The following CFAP20DC variants were observed in gnomAD, a reference collection of about 807,000 sequenced individuals.
CFAP20DC encodes protein CFAP20DC.
A neutral mutation model predicts 101.7 loss-of-function variants in CFAP20DC; 84 were observed. That is an observed-to-expected ratio of 0.83 (90% CI 0.69 to 0.99). The LOEUF is 0.99. CFAP20DC is among the 50% of genes least tolerant of loss of function. The pLI, the probability that CFAP20DC is intolerant of heterozygous loss-of-function variation, is 0.00. For missense variants in CFAP20DC, 1,007 were observed against 970.3 expected (o/e 1.04, Z -0.50); for synonymous variants, 359 against 351.2 (o/e 1.02, Z -0.25).
chr3:58,758,977 G>GAATAGTGCTGC (rs946071824), intron 15 of CFAP20DC, among the ~76,000 whole-genome samples: 3 of 152,152 alleles, frequency 2.0e-5, no homozygotes, highest in African/African-American at 7.2e-5. Flanking sequence ...TTGCTATTGT[G>GAATAGTGCTGC]AATAGTGCTG....
chr3:58,870,305 C>G lies in CFAP20DC; in HGVS notation c.720G>C (p.Gln240His). The G allele has an allele frequency of 6.2e-7, 1 of 1,613,566 alleles. No individual in the cohort carries two copies. The highest frequency in any genetic ancestry group is 1.1e-5 in the South Asian group (1 of 91,040). The change falls in exon 8 of 17, where the codon CAG becomes CAC. Residue 240 changes from glutamine to histidine, a missense_variant. Coordinates refer to ENST00000482387, the MANE Select transcript of CFAP20DC (RefSeq NM_001394063.1). ...TAATACTTGTTCCTCTGTTAATGAA[C>G]TGATCTGTTTTGTTAAAGGAAGGTA... ...GHPLRSAESDQFINRGTSITR... is the reference protein window; with the variant it reads ...GHPLRSAESDHFINRGTSITR...
At chr3:58,873,642 GGCA>G (rs2080469591) in intron 7 of CFAP20DC, among the ~76,000 whole-genome samples, 1 of 151,862 alleles carries the variant, frequency 6.6e-6, no homozygotes, top group Non-Finnish European at 1.5e-5. Flanking sequence ...GATGTTGTCA[GGCA>G]GGTGTTCAAG....
rs373217565 is a variant in CFAP20DC at position 58,910,104 on chromosome 3, T to G, written c.550+3604A>C. ...CTGCATAGTATTATTCCCTGGTGTA[T>G]CTGTACCACATTTTCTTTATTCAGT... On this transcript the variant is annotated intron_variant, in intron 6 of 16. Coordinates refer to ENST00000482387, the MANE Select transcript of CFAP20DC (RefSeq NM_001394063.1). Among the ~76,000 whole-genome samples the G allele has an allele frequency of 5.9e-5, 9 of 152,344 alleles. No homozygotes were observed. In the East Asian group the frequency reaches 1.3e-3, roughly 23 times the overall value.
chr3:58,892,775 C>T lies in CFAP20DC; in HGVS notation c.551-8066G>A, dbSNP rs1486519839. 6.6e-6 allele frequency among the ~76,000 whole-genome samples: 1 copy of T among 152,112 alleles called. No individual in the cohort carries two copies. The highest frequency in any genetic ancestry group is 2.4e-5 in the African/African-American group (1 of 41,426). On this transcript the variant is annotated intron_variant, in intron 6 of 16. Coordinates refer to ENST00000482387, the MANE Select transcript of CFAP20DC (RefSeq NM_001394063.1). This position sits in a 1 kb window ranked among gnomAD's most constrained non-coding sequence, Gnocchi z 4.0. Reference sequence around the variant, plus strand: ...TCTAGATATAGGATCATGTCATCTGCAAAAAGGTAATTTGACTTCCTCTCT... The same window carrying T: ...TCTAGATATAGGATCATGTCATCTGTAAAAAGGTAATTTGACTTCCTCTCT...
At chr3:58,970,885 A>G (rs556474303) in intron 4 of CFAP20DC, among the ~76,000 whole-genome samples, 1 of 152,168 alleles carries the variant, frequency 6.6e-6, no homozygotes, top group South Asian at 2.1e-4. Context: ...TTTCTTTAAG[A>G]TCATCTATTT....
chr3:58,927,993 C>T (rs1191478621), intron 5 of CFAP20DC, among the ~76,000 whole-genome samples: 5 of 152,174 alleles, frequency 3.3e-5, no homozygotes, highest in Non-Finnish European at 7.3e-5. Context: ...GAATACTCCT[C>T]GGCATTTGTG....
Position 59,030,809 on chromosome 3 carries a change from T to TTTTTTG in CFAP20DC, c.278+8742_278+8747dup, listed in dbSNP as rs531223275. On this transcript the variant is annotated intron_variant, in intron 4 of 16. Coordinates refer to ENST00000482387, the MANE Select transcript of CFAP20DC (RefSeq NM_001394063.1). ...TCTCAATAATTAAAGCTTTAAGTTT[T>TTTTTTG]TTTTTGTTTTTGTTTTTGTTTTTGT... 2.0e-4 allele frequency among the ~76,000 whole-genome samples: 30 copies of TTTTTTG among 152,250 alleles called. 1 individual carries two copies. In the South Asian group the frequency reaches 4.2e-3, roughly 21 times the overall value.
chr3:58,733,855 AT>A (rs1433930639), intron 3 of CFAP20DC, among the ~76,000 whole-genome samples: 1 of 152,162 alleles, frequency 6.6e-6, no homozygotes, highest in Non-Finnish European at 1.5e-5. Context: ...TAATGGTCCC[AT>A]TTTTTTCAGA....
intron 15 of CFAP20DC, among the ~76,000 whole-genome samples, chr3:58,803,463 G>T (rs756138087): frequency 6.6e-6 from 1 of 152,002 alleles, no homozygotes; most frequent in Non-Finnish European, 1.5e-5. Flanking sequence ...ATATTTTAGG[G>T]TCTAAAGCAT....
chr3:58,937,006 A>G (rs987371442), intron 5 of CFAP20DC, among the ~76,000 whole-genome samples: 3 of 152,122 alleles, frequency 2.0e-5, no homozygotes, highest in Non-Finnish European at 4.4e-5. Context: ...TATCAAGTGC[A>G]TACCAGAATG....
chr3:58,956,969 A>G (rs567452025), intron 4 of CFAP20DC, among the ~76,000 whole-genome samples: 1 of 152,158 alleles, frequency 6.6e-6, no homozygotes, highest in Non-Finnish European at 1.5e-5. Context: ...GGTCCCTCCC[A>G]CAACACAAGG....
intron 4 of CFAP20DC, among the ~76,000 whole-genome samples, chr3:58,957,636 T>C (rs149559303): frequency 2.4e-4 from 36 of 152,180 alleles, no homozygotes; most frequent in African/African-American, 8.2e-4. Flanking sequence ...ATAAAGACAA[T>C]GTGGTACTTA....
chr3:58,927,752 A>G (rs993498318), intron 5 of CFAP20DC, among the ~76,000 whole-genome samples: 54 of 152,192 alleles, frequency 3.5e-4, no homozygotes, highest in Non-Finnish European at 1.2e-4. Flanking sequence ...CCAATACCAC[A>G]TCAACAACAG....
chr3:58,761,142 T>C (rs1379638493), intron 15 of CFAP20DC, among the ~76,000 whole-genome samples: 1 of 152,258 alleles, frequency 6.6e-6, no homozygotes, highest in East Asian at 1.9e-4. Context: ...CTGGTACAAT[T>C]CAGCTGTGAA....
rs1056909753 is a variant in CFAP20DC at position 58,795,745 on chromosome 3, G to A, written c.2237+10650C>T. Among the ~76,000 whole-genome samples the A allele has an allele frequency of 7.2e-5, 11 of 152,210 alleles. No homozygotes were observed. Among genetic ancestry groups the A allele is most frequent in the Admixed American group, 6.5e-5 (1 of 15,278 alleles). On this transcript the variant is annotated intron_variant, in intron 15 of 16. Coordinates refer to ENST00000482387, the MANE Select transcript of CFAP20DC (RefSeq NM_001394063.1). This position sits in a 1 kb window ranked among gnomAD's most constrained non-coding sequence, Gnocchi z 4.2. ...GGGAGAAGATGTGATCTATTGTTCT[G>A]AAACTCCTAGGGGAATGGGTTTCAT...
intron 13 of CFAP20DC, among the ~76,000 whole-genome samples, chr3:58,840,360 C>CA (rs1267637200): frequency 6.6e-6 from 1 of 152,162 alleles, no homozygotes; most frequent in Admixed American, 6.5e-5. Context: ...TAGTTATGCC[C>CA]AAATTCAATT....
intron 15 of CFAP20DC, among the ~76,000 whole-genome samples, chr3:58,768,375 A>G (rs1040976889): frequency 9.2e-5 from 14 of 152,188 alleles, no homozygotes; most frequent in Admixed American, 5.2e-4. Context: ...CACTGAATTA[A>G]TTGGAAAACT....
intron 6 of CFAP20DC, among the ~76,000 whole-genome samples, chr3:58,888,763 C>T (rs1681815417): frequency 6.6e-6 from 1 of 152,210 alleles, no homozygotes; most frequent in Admixed American, 6.5e-5. Flanking sequence ...GCAAATAGTG[C>T]TGCAGTGAAC....
At chr3:58,801,855 T>C (rs2073733561) in intron 15 of CFAP20DC, among the ~76,000 whole-genome samples, 1 of 152,368 alleles carries the variant, frequency 6.6e-6, no homozygotes, top group Middle Eastern at 3.4e-3. Flanking sequence ...TAACACAATC[T>C]GCAATGACAT....
Sources: allele counts gnomAD v4.1 joint callset (sites outside exome capture counted in the v4.1 genomes callset), GRCh38; gene constraint gnomAD v4.1.1; non-coding constraint Gnocchi (gnomAD v3.1); transcripts MANE v1.5; gene names NCBI Gene and HGNC (gene_info 2026-07-23, HGNC 2026-07-21).